The following CSF1 variants were observed in gnomAD, a reference collection of about 807,000 sequenced individuals.
CSF1 encodes macrophage colony-stimulating factor 1.
CSF1 carries 9 observed loss-of-function variants against 48.9 expected under a neutral mutation model. The ratio of observed to expected loss-of-function variants is 0.18; its 90% CI spans 0.11 to 0.32. The LOEUF is 0.32. Among genes scored for constraint, CSF1 ranks in the 10% least tolerant of loss-of-function variants. CSF1 has a pLI of 1.00. For synonymous variants in CSF1, 305 were observed against 284.1 expected, an observed-to-expected ratio of 1.07 and a Z score of -0.74; for missense variants, 672 against 697.9, an observed-to-expected ratio of 0.96 and a Z score of 0.42.
chr1:109,916,637 C>T (rs1647230760), intron 3 of CSF1, among the ~76,000 whole-genome samples: 1 of 152,238 alleles, frequency 6.6e-6, no homozygotes, highest in East Asian at 1.9e-4. Context: ...GCCCCTGTTT[C>T]TGAGCTTCCA....
chr1:109,915,107 C>T (rs3093048), intron 2 of CSF1, among the ~76,000 whole-genome samples: 7,504 of 152,210 alleles, frequency 0.049, 236 homozygotes, highest in African/African-American at 0.087. Context: ...CTGTGCCTTC[C>T]GCCTCTCTTG....
intron 1 of CSF1, among the ~76,000 whole-genome samples, chr1:109,912,118 T>TA (rs915381870): frequency 1.6e-4 from 24 of 149,624 alleles, no homozygotes; most frequent in African/African-American, 5.7e-4. Context: ...AGAGAGGAGA[T>TA]AGAGTTGAGA....
intron 4 of CSF1, among the ~76,000 whole-genome samples, chr1:109,918,440 G>A (rs1280029305): frequency 2.0e-5 from 3 of 152,218 alleles, no homozygotes; most frequent in African/African-American, 7.2e-5. Context: ...ATAGACCACA[G>A]GGGGCAGGAA....
chr1:109,924,428 A>G (rs1647743280), intron 6 of CSF1, among the ~76,000 whole-genome samples: 1 of 152,122 alleles, frequency 6.6e-6, no homozygotes, highest in African/African-American at 2.4e-5. Context: ...GGGAGAGAAT[A>G]TTCATGGGCT....
intron 1 of CSF1, 76 bp downstream of exon 1, chr1:109,911,138 C>A (rs1355861214): frequency 5.4e-6 from 5 of 920,456 alleles, no homozygotes; most frequent in Non-Finnish European, 6.5e-6. Flanking sequence ...GGGAGCGGCC[C>A]CTCGGAGCCG....
At chr1:109,924,284 C>T in intron 6 of CSF1, 94 bp downstream of exon 6, 1 of 1,111,888 alleles carries the variant, frequency 9.0e-7, no homozygotes, top group South Asian at 1.6e-5. Flanking sequence ...TGGGTGCGGC[C>T]TGAGTTCTTC....
intron 4 of CSF1, 104 bp downstream of exon 4, chr1:109,917,567 G>C (rs905223707): frequency 8.9e-7 from 1 of 1,118,776 alleles, no homozygotes; most frequent in Non-Finnish European, 1.3e-6. Flanking sequence ...CTCGCCTCAC[G>C]CCATTGCTTG....
chr1:109,910,700 G>A (rs1654637363), upstream of CSF1: 1 of 341,454 alleles, frequency 2.9e-6, no homozygotes, highest in Non-Finnish European at 5.8e-6. Flanking sequence ...GGGGGAAGGC[G>A]GCTGAGTGGG....
chr1:109,911,742 T>A (rs1654698173), intron 1 of CSF1, among the ~76,000 whole-genome samples: 1 of 152,184 alleles, frequency 6.6e-6, no homozygotes, highest in African/African-American at 2.4e-5. Flanking sequence ...TCTGGTTTCA[T>A]CGGTTGGGGA....
intron 6 of CSF1, 63 bp downstream of exon 6, chr1:109,924,253 G>T: frequency 1.4e-6 from 2 of 1,447,584 alleles, no homozygotes; most frequent in Non-Finnish European, 1.8e-6. Flanking sequence ...GCCTGGCGGG[G>T]GTGCAGGTGG....
Position 109,922,080 on chromosome 1 carries a change from C to G in CSF1, c.544+86C>G, listed in dbSNP as rs1647574731. ...AGGTGAGATGTGAAGCTGGGGGGACCCCTGGGGAGGCAGCCTGGCTGCTAC... is the reference window on the plus strand; with the variant it reads ...AGGTGAGATGTGAAGCTGGGGGGACGCCTGGGGAGGCAGCCTGGCTGCTAC... On this transcript the variant is annotated intron_variant, in intron 5 of 8. Transcript: ENST00000329608. 19 of 1,475,888 alleles carry G rather than the reference C, an allele frequency of 1.3e-5. No homozygotes were observed. In the South Asian group the frequency reaches 2.4e-4, roughly 18 times the overall value. 91.4% of individuals were successfully genotyped at this position (1,475,888 alleles called of 1,614,324 possible). A position where few individuals can be genotyped will look rare whatever the true frequency, so the allele number is the denominator to read the frequency against.
Position 109,923,317 on chromosome 1 carries a change from C to T in CSF1, c.696C>T (p.Ser232=), listed in dbSNP as rs1288562855. 6.2e-7 allele frequency: 1 copy of T among 1,612,592 alleles called. No homozygotes were observed. Among genetic ancestry groups the T allele is most frequent in the Non-Finnish European group, 8.5e-7 (1 of 1,179,314 alleles). Residue 232 remains serine (S), a synonymous_variant, in exon 6 of 9, where the codon AGC becomes AGT. Coordinates refer to ENST00000329608, the MANE Select transcript of CSF1 (RefSeq NM_000757.6). The stretch of plus-strand genomic sequence containing the variant: ...AGGACTCTGAGGGAACTGAGGGCAG[C>T]TCCCTCTTGCCTGGTGAGCAGCCCC... ...TWEDSEGTEG[S]SLLPGEQPLH...
chr1:109,910,717 G>A (rs1008383119), upstream of CSF1: 1 of 345,438 alleles, frequency 2.9e-6, no homozygotes, highest in Admixed American at 3.9e-5. Flanking sequence ...TGGGCCTCTG[G>A]AGTGTGTGTG....
At chr1:109,922,235 G>A (rs144386894) in intron 5 of CSF1, 10 of 386,002 alleles carry the variant, frequency 2.6e-5, no homozygotes, top group East Asian at 7.6e-5. Flanking sequence ...ATGTGGCAGC[G>A]TCAAGAAGGA....
At chr1:109,928,324 A>G (rs553946151) in intron 8 of CSF1, among the ~76,000 whole-genome samples, 1 of 152,234 alleles carries the variant, frequency 6.6e-6, no homozygotes, top group African/African-American at 2.4e-5. Context: ...CTGCCTCTAG[A>G]CTTTTCCTCT....
Position 109,921,988 on chromosome 1 carries a change from A to G in CSF1, c.538A>G (p.Ser180Gly). 6 of 1,597,900 alleles carry G rather than the reference A, an allele frequency of 3.8e-6. No homozygotes were observed. The highest frequency in any genetic ancestry group is 5.1e-6 in the Non-Finnish European group (6 of 1,169,698). Reference sequence around the variant, plus strand: ...CAACAACAGCTTTGCTGAATGCTCCAGCCAAGGTAAGCATGGCAGGGGCCA... The same window carrying G: ...CAACAACAGCTTTGCTGAATGCTCCGGCCAAGGTAAGCATGGCAGGGGCCA... ...NCNNSFAECS[S>G]QDVVTKPDCN... Residue 180 changes from serine (S) to glycine (G), a missense_variant, in exon 5 of 9, where the codon AGC (serine) becomes GGC (glycine). Coordinates refer to ENST00000329608, the MANE Select transcript of CSF1 (RefSeq NM_000757.6).
chr1:109,921,085 C>T (rs1647511545), intron 4 of CSF1, among the ~76,000 whole-genome samples: 1 of 152,080 alleles, frequency 6.6e-6, no homozygotes, highest in Admixed American at 6.5e-5. Flanking sequence ...GTTCCCTTCT[C>T]CACACCACAG....
rs1647703283 is a variant in CSF1, at chr1:109,923,861, A to C, written c.1240A>C (p.Ser414Arg). ...CTCATCACTGCGCCCCCAGGGCCTCAGCAACCCCTCCACCCTCTCTGCTCA... is the reference window on the plus strand; with the variant it reads ...CTCATCACTGCGCCCCCAGGGCCTCCGCAACCCCTCCACCCTCTCTGCTCA... ...RISSLRPQGL[S>R]NPSTLSAQPQ... Residue 414 changes from serine to arginine, a missense_variant, in exon 6 of 9, where the codon AGC becomes CGC. This residue lies in a region of CSF1 where 591 missense variants were observed against 593.6 expected (regional missense o/e 1.00). Transcript: ENST00000329608. 6.2e-7 allele frequency: 1 copy of C among 1,613,846 alleles called. No homozygotes were observed. Among genetic ancestry groups the C allele is most frequent in the Non-Finnish European group, 8.5e-7 (1 of 1,179,882 alleles).
chr1:109,924,905 G>A, intron 7 of CSF1, 77 bp downstream of exon 7: 1 of 1,424,590 alleles, frequency 7.0e-7, no homozygotes, highest in Non-Finnish European at 9.7e-7. Context: ...GTGGTGGTGG[G>A]GCTCTCCTGC....
Sources: gnomAD v4.1 joint callset for allele counts (sites outside exome capture counted in the v4.1 genomes callset) on GRCh38, gnomAD v4.1.1 for gene constraint, gnomAD v4.1.1 regional missense constraint, MANE v1.5 for transcripts, NCBI Gene and HGNC (gene_info 2026-07-23, HGNC 2026-07-21) for gene names.